DCC: variants seen among roughly 807,000 people sequenced by gnomAD.
DCC encodes netrin receptor DCC.
A neutral mutation model predicts 172.5 loss-of-function variants in DCC; 58 were observed. The ratio of observed to expected loss-of-function variants is 0.34; its 90% CI spans 0.27 to 0.42. The LOEUF (loss-of-function observed/expected upper bound fraction) is 0.42. Ranked by LOEUF, DCC falls within the 10% of genes least tolerant of loss-of-function variation. The probability of loss-of-function intolerance (pLI) is 1.00; values close to 1 mark genes in which losing one functional copy is unlikely to be tolerated. For synonymous variants in DCC, 709 were observed against 644.5 expected, an observed-to-expected ratio of 1.10 and a Z score of -1.52; for missense variants, 1,740 against 1,791.0, an observed-to-expected ratio of 0.97 and a Z score of 0.51.
chr18:52,726,559 T>G (rs2036554799), intron 1 of DCC, among the ~76,000 whole-genome samples: 1 of 152,198 alleles, frequency 6.6e-6, no homozygotes, highest in Non-Finnish European at 1.5e-5. Flanking sequence ...CTTCTCTAGT[T>G]ATTTGGAAAT....
At chr18:53,429,880 G>A (rs959305341) in intron 21 of DCC, among the ~76,000 whole-genome samples, 2 of 152,074 alleles carry the variant, frequency 1.3e-5, no homozygotes, top group African/African-American at 4.8e-5. Flanking sequence ...GGTTAAGAGA[G>A]CTCATTAGTT....
intron 1 of DCC, among the ~76,000 whole-genome samples, chr18:52,599,152 A>G (rs1160164496): frequency 6.6e-6 from 1 of 152,140 alleles, no homozygotes; most frequent in Non-Finnish European, 1.5e-5. Flanking sequence ...GAAATACTGG[A>G]GCCAGGGAGA....
At chr18:52,518,211 TATGA>T (rs1341199843) in intron 1 of DCC, among the ~76,000 whole-genome samples, 1 of 152,196 alleles carries the variant, frequency 6.6e-6, no homozygotes, top group Non-Finnish European at 1.5e-5. Context: ...GTCCAAAGGC[TATGA>T]TAGCATGAGG....
chr18:53,277,924 G>C (rs557548326), intron 12 of DCC, among the ~76,000 whole-genome samples: 2 of 152,104 alleles, frequency 1.3e-5, no homozygotes, highest in Non-Finnish European at 2.9e-5. Flanking sequence ...CATATTCCTG[G>C]GTCTTGGCTG....
chr18:53,294,309 G>A (rs2057040600), intron 12 of DCC, among the ~76,000 whole-genome samples: 1 of 152,202 alleles, frequency 6.6e-6, no homozygotes, highest in African/African-American at 2.4e-5. Flanking sequence ...GGAGTTCAGA[G>A]CCAGTGGCAG....
intron 5 of DCC, among the ~76,000 whole-genome samples, chr18:52,972,829 A>T (rs2041051660): frequency 6.6e-6 from 1 of 152,190 alleles, no homozygotes; most frequent in African/African-American, 2.4e-5. Context: ...AGCTTTCTTG[A>T]TATCCATCAC....
intron 1 of DCC, among the ~76,000 whole-genome samples, chr18:52,540,716 C>T (rs1207092039): frequency 5.5e-5 from 8 of 144,524 alleles, no homozygotes; most frequent in African/African-American, 2.1e-4. Flanking sequence ...ATGCCATTCT[C>T]CTGCCTCAGC....
At chr18:52,531,583 A>C (rs192007391) in intron 1 of DCC, among the ~76,000 whole-genome samples, 7 of 152,266 alleles carry the variant, frequency 4.6e-5, no homozygotes, top group Non-Finnish European at 7.4e-5. Flanking sequence ...GACAATTGAA[A>C]TATGTTTCTC....
intron 15 of DCC, among the ~76,000 whole-genome samples, chr18:53,367,596 G>A (rs72927286): frequency 0.17 from 25,271 of 151,768 alleles, 2,560 homozygotes; most frequent in African/African-American, 0.27. Flanking sequence ...GTAATGTTGC[G>A]CAGCCATCGA....
At chr18:53,479,375 G>A (rs571609514) in intron 25 of DCC, among the ~76,000 whole-genome samples, 1 of 152,274 alleles carries the variant, frequency 6.6e-6, no homozygotes, top group Non-Finnish European at 1.5e-5. Flanking sequence ...ATTATGCAAT[G>A]TTTTGTGCGA....
chr18:52,969,988 GTTC>G (rs1289409156), intron 5 of DCC, among the ~76,000 whole-genome samples: 1 of 151,936 alleles, frequency 6.6e-6, no homozygotes, highest in Non-Finnish European at 1.5e-5. Flanking sequence ...AATGATAAGA[GTTC>G]TTACATTTGG....
chr18:52,927,697 C>A (rs554465867), intron 5 of DCC, among the ~76,000 whole-genome samples: 35 of 151,988 alleles, frequency 2.3e-4, no homozygotes, highest in Middle Eastern at 3.4e-3. Flanking sequence ...TAAATGAAAA[C>A]CACAATGAGA....
intron 1 of DCC, among the ~76,000 whole-genome samples, chr18:52,643,290 G>C (rs941172590): frequency 6.6e-6 from 1 of 152,138 alleles, no homozygotes; most frequent in Admixed American, 6.6e-5. Flanking sequence ...GTTTCCACAG[G>C]TGTACTGGGA....
intron 1 of DCC, among the ~76,000 whole-genome samples, chr18:52,539,280 A>G (rs2032373793): frequency 2.0e-5 from 3 of 152,170 alleles, no homozygotes. Context: ...CTCTACCAAG[A>G]TCTAAGAGGG....
rs546774712 is a variant in DCC, at chr18:52,966,365, C to T, written c.985+40995C>T. Among the ~76,000 whole-genome samples, 9 of 152,224 alleles carry T rather than the reference C, an allele frequency of 5.9e-5. No homozygotes were observed. In the South Asian group the frequency reaches 1.5e-3, roughly 25 times the overall value. On this transcript the variant is annotated intron_variant, in intron 5 of 28. Coordinates refer to ENST00000442544, the MANE Select transcript of DCC (RefSeq NM_005215.4). The stretch of plus-strand genomic sequence containing the variant: ...TAATTTTTGTACTGTTTTTGAATTG[C>T]GCAGGCATTCCATACACTTTTGAGA...
chr18:52,590,253 A>G (rs1055291302), intron 1 of DCC, among the ~76,000 whole-genome samples: 2 of 152,046 alleles, frequency 1.3e-5, no homozygotes, highest in Non-Finnish European at 2.9e-5. Context: ...TGTTAACATT[A>G]TCATACAGAA....
chr18:52,415,864 C>T (rs1329649867), intron 1 of DCC, among the ~76,000 whole-genome samples: 1 of 152,114 alleles, frequency 6.6e-6, no homozygotes, highest in Non-Finnish European at 1.5e-5. Context: ...TTTTGTGTCT[C>T]TATTTCCTTC....
rs187381194 is a variant in DCC at position 52,950,924 on chromosome 18, C to T, written c.985+25554C>T. On this transcript the variant is annotated intron_variant, in intron 5 of 28. Coordinates refer to ENST00000442544, the MANE Select transcript of DCC (RefSeq NM_005215.4). ...TAGCCTGGGCGACAGAGTGAGACTC[C>T]GTCTCAAAAAAAAAAAAAAAAAAAA... 0.01 allele frequency among the ~76,000 whole-genome samples: 770 copies of T among 74,216 alleles called. 22 individuals carry two copies. In the Admixed American group the frequency reaches 0.12, roughly 12 times the overall value. 48.7% of individuals were successfully genotyped at this position (74,216 alleles called of 152,430 possible). A position where few individuals can be genotyped will look rare whatever the true frequency, so the allele number is the denominator to read the frequency against.
intron 5 of DCC, among the ~76,000 whole-genome samples, chr18:53,042,651 T>C (rs1375903649): frequency 6.6e-6 from 1 of 151,760 alleles, no homozygotes; most frequent in Non-Finnish European, 1.5e-5. Flanking sequence ...GGGCGAAGTA[T>C]ATGAACAGAC....
Sources: gnomAD v4.1 joint callset for allele counts (sites outside exome capture counted in the v4.1 genomes callset) on GRCh38, gnomAD v4.1.1 for gene constraint, MANE v1.5 for transcripts, NCBI Gene and HGNC (gene_info 2026-07-23, HGNC 2026-07-21) for gene names.